IPCEF1: variants seen among roughly 807,000 people sequenced by gnomAD.
IPCEF1 encodes the protein interactor protein for cytohesin exchange factors 1.
A neutral mutation model predicts 50.9 loss-of-function variants in IPCEF1; 31 were observed. The ratio of observed to expected loss-of-function variants is 0.61; its 90% CI spans 0.46 to 0.82. The LOEUF is 0.82. IPCEF1 is among the 40% of genes least tolerant of loss of function. The probability of loss-of-function intolerance (pLI) is 0.00; values close to 1 mark genes in which losing one functional copy is unlikely to be tolerated. For missense variants in IPCEF1, 458 were observed against 514.0 expected (o/e 0.89, Z 1.05); for synonymous variants, 181 against 192.0 (o/e 0.94, Z 0.47).
At position 154,328,344 on chromosome 6, in the gene IPCEF1, A is replaced by C. The variant is rs1405004941; in HGVS notation, c.-62+28328T>G. Among the ~76,000 whole-genome samples, 3 of 152,212 alleles carry C rather than the reference A, an allele frequency of 2.0e-5. 1 individual carries two copies. The East Asian group carries it at 5.8e-4, about 29-fold the overall frequency. ...TCTGTCAAAAAAGGGATCCTTGGCC[A>C]ATCAACTGGGAAATACTGCTTATTA... On this transcript the variant is annotated intron_variant, in intron 1 of 11. Transcript: ENST00000367220.
At chr6:154,204,240 T>G (rs900002983) in intron 9 of IPCEF1, among the ~76,000 whole-genome samples, 1 of 152,204 alleles carries the variant, frequency 6.6e-6, no homozygotes, top group Non-Finnish European at 1.5e-5. Flanking sequence ...TTTCTTGGAA[T>G]TGTTTTTCAA....
chr6:154,340,610 G>A (rs1455687633), intron 1 of IPCEF1, among the ~76,000 whole-genome samples: 1 of 151,930 alleles, frequency 6.6e-6, no homozygotes, highest in Non-Finnish European at 1.5e-5. Context: ...GAAGGGCCAG[G>A]CGCGGTGACT....
intron 1 of IPCEF1, among the ~76,000 whole-genome samples, chr6:154,343,919 C>T (rs570237112): frequency 1.3e-5 from 2 of 152,208 alleles, no homozygotes; most frequent in African/African-American, 4.8e-5. Flanking sequence ...TGCCTGGCAG[C>T]ATGGCCGACC....
intron 10 of IPCEF1, among the ~76,000 whole-genome samples, chr6:154,169,284 C>T (rs545841394): frequency 1.5e-4 from 23 of 152,258 alleles, no homozygotes; most frequent in African/African-American, 5.1e-4. Flanking sequence ...TCACTTGAGC[C>T]TGGGAGGTGG....
At chr6:154,232,811 A>G (rs1361841995) in intron 5 of IPCEF1, among the ~76,000 whole-genome samples, 2 of 152,214 alleles carry the variant, frequency 1.3e-5, no homozygotes, top group Non-Finnish European at 2.9e-5. Flanking sequence ...AATGGAAATT[A>G]ACATAGATGT....
chr6:154,232,365 C>T (rs1779789499), intron 5 of IPCEF1, among the ~76,000 whole-genome samples: 1 of 152,188 alleles, frequency 6.6e-6, no homozygotes, highest in Admixed American at 6.5e-5. Flanking sequence ...TCTTGAGTAA[C>T]ATCTAATAAG....
At chr6:154,313,035 C>A (rs1243347266) in intron 1 of IPCEF1, among the ~76,000 whole-genome samples, 1 of 134,878 alleles carries the variant, frequency 7.4e-6, no homozygotes, top group Non-Finnish European at 1.5e-5. Flanking sequence ...CGAAATCAAC[C>A]CCACTGCACT....
Position 154,156,646 on chromosome 6 carries a change from T to C in IPCEF1, c.*3182A>G, listed in dbSNP as rs1798727383. ...CTGACTCCAAACACAATCTCTTTCT[T>C]ACGCTTCCTGGAGTCTTTGTAATCC... On this transcript the variant is annotated 3_prime_UTR_variant, in exon 12 of 12. Coordinates refer to ENST00000367220, the MANE Select transcript of IPCEF1 (RefSeq NM_001130700.2). 6.6e-6 allele frequency: 1 copy of C among 152,250 alleles called. No individual in the cohort carries two copies. The highest frequency in any genetic ancestry group is 2.4e-5 in the African/African-American group (1 of 41,462). 9.4% of individuals were successfully genotyped at this position (152,250 alleles called of 1,614,324 possible).
intron 2 of IPCEF1, among the ~76,000 whole-genome samples, chr6:154,283,552 C>T (rs994921322): frequency 2.0e-5 from 3 of 151,352 alleles, no homozygotes; most frequent in Admixed American, 6.6e-5. Context: ...GAGCTGAGAT[C>T]GCGCCACTGC....
At chr6:154,280,346 A>C (rs114754811) in intron 2 of IPCEF1, among the ~76,000 whole-genome samples, 197 of 152,304 alleles carry the variant, frequency 1.3e-3, no homozygotes, top group African/African-American at 4.5e-3. Flanking sequence ...TGGGAGGATC[A>C]CTGGAGGCCA....
intron 5 of IPCEF1, among the ~76,000 whole-genome samples, chr6:154,241,744 T>C (rs1334888512): frequency 1.3e-5 from 2 of 152,104 alleles, no homozygotes; most frequent in Non-Finnish European, 2.9e-5. Context: ...AAACATCCAA[T>C]CTATTGCTGC....
intron 3 of IPCEF1, among the ~76,000 whole-genome samples, chr6:154,249,737 GGGACT>G (rs1781290314): frequency 2.0e-5 from 3 of 152,112 alleles, no homozygotes. Flanking sequence ...AGCACCCAGT[GGGACT>G]GGAGCCCTCC....
intron 9 of IPCEF1, among the ~76,000 whole-genome samples, chr6:154,212,134 T>C (rs553430449): frequency 1.1e-4 from 17 of 152,336 alleles, no homozygotes; most frequent in African/African-American, 3.8e-4. Flanking sequence ...CCAATGATCA[T>C]TGTATGACCC....
rs545803766 is a variant in IPCEF1, at chr6:154,269,319, C to T, written c.-17-3355G>A. Reference sequence around the variant, plus strand: ...GATGATGTTGATATCATACCTCCTTCGGTCAAAGAGCAAAAGGGTAGAAAT... The same window carrying T: ...GATGATGTTGATATCATACCTCCTTTGGTCAAAGAGCAAAAGGGTAGAAAT... On this transcript the variant is annotated intron_variant, in intron 2 of 11. Transcript: ENST00000367220. 8.5e-5 allele frequency among the ~76,000 whole-genome samples: 13 copies of T among 152,226 alleles called. No individual in the cohort carries two copies. The South Asian group carries it at 2.1e-3, about 24-fold the overall frequency.
At chr6:154,218,796 A>T (rs1778619918) in intron 7 of IPCEF1, among the ~76,000 whole-genome samples, 1 of 152,218 alleles carries the variant, frequency 6.6e-6, no homozygotes, top group South Asian at 2.1e-4. Context: ...CCGGATGGAC[A>T]ATTTTCAAGT....
intron 10 of IPCEF1, among the ~76,000 whole-genome samples, chr6:154,189,225 A>C (rs962955855): frequency 6.6e-6 from 1 of 152,194 alleles, no homozygotes; most frequent in Non-Finnish European, 1.5e-5. Context: ...TTTTGCAAAA[A>C]TTCAGAAACT....
chr6:154,170,216 A>G (rs1333928824), intron 10 of IPCEF1, among the ~76,000 whole-genome samples: 1 of 152,186 alleles, frequency 6.6e-6, no homozygotes, highest in Non-Finnish European at 1.5e-5. Context: ...AAGAAATACA[A>G]TGAGATTTCT....
chr6:154,343,155 G>A (rs1019754462), intron 1 of IPCEF1, among the ~76,000 whole-genome samples: 1 of 152,164 alleles, frequency 6.6e-6, no homozygotes, highest in African/African-American at 2.4e-5. Flanking sequence ...AGGTGTGTCT[G>A]TGGCTCGAGT....
chr6:154,307,951 C>G (rs1027063780), intron 1 of IPCEF1, among the ~76,000 whole-genome samples: 2 of 152,200 alleles, frequency 1.3e-5, no homozygotes, highest in Non-Finnish European at 2.9e-5. Flanking sequence ...CAGAACACTT[C>G]CCAGGAGGCT....
Sources: gnomAD v4.1 joint callset for allele counts (sites outside exome capture counted in the v4.1 genomes callset) on GRCh38, gnomAD v4.1.1 for gene constraint, MANE v1.5 for transcripts, NCBI Gene and HGNC (gene_info 2026-07-23, HGNC 2026-07-21) for gene names.